Variants in ZNF804B observed in about 807,000 individuals in gnomAD.
ZNF804B encodes zinc finger 804B.
A neutral mutation model predicts 101.4 loss-of-function variants in ZNF804B; 80 were observed. The ratio of observed to expected loss-of-function variants is 0.79; its 90% CI spans 0.66 to 0.95. ZNF804B has a LOEUF of 0.95. Ranked by LOEUF, ZNF804B falls within the 40% of genes least tolerant of loss-of-function variation. The pLI, the probability that ZNF804B is intolerant of heterozygous loss-of-function variation, is 0.00. For synonymous variants in ZNF804B, 622 were observed against 558.8 expected (o/e 1.11, Z -1.59); for missense variants, 1,673 against 1,561.9 (o/e 1.07, Z -1.20).
chr7:89,232,881 T>C (rs1238999592), intron 2 of ZNF804B, among the ~76,000 whole-genome samples: 2 of 152,128 alleles, frequency 1.3e-5, no homozygotes, highest in African/African-American at 4.8e-5. Flanking sequence ...TTTTGATATG[T>C]ATAATATACT....
intron 1 of ZNF804B, among the ~76,000 whole-genome samples, chr7:88,964,047 T>C (rs2116096254): frequency 6.6e-6 from 1 of 151,502 alleles, no homozygotes; most frequent in African/African-American, 2.4e-5. Context: ...TTGGCAAGGA[T>C]GTGGAGAAAT....
At chr7:89,267,051 T>C (rs964965824) in intron 2 of ZNF804B, among the ~76,000 whole-genome samples, 1 of 152,176 alleles carries the variant, frequency 6.6e-6, no homozygotes, top group Non-Finnish European at 1.5e-5. Context: ...GTTCACTGTT[T>C]GGAGTGATTT....
Position 89,278,145 on chromosome 7 carries a change from C to T in ZNF804B, c.250-49199C>T, listed in dbSNP as rs372642664. ...ATATGTTTCTTGGCTGCATAAATGT[C>T]TTCTTTTCAGAAGTGTCTGTTCATA... On this transcript the variant is annotated intron_variant, in intron 2 of 3. Coordinates refer to ENST00000333190, the MANE Select transcript of ZNF804B (RefSeq NM_181646.5). 4.4e-4 allele frequency among the ~76,000 whole-genome samples: 67 copies of T among 152,302 alleles called. No individual in the cohort carries two copies. In the East Asian group the frequency reaches 0.012, roughly 28 times the overall value.
At chr7:88,979,703 T>A (rs1793668606) in intron 1 of ZNF804B, among the ~76,000 whole-genome samples, 1 of 151,634 alleles carries the variant, frequency 6.6e-6, no homozygotes, top group Non-Finnish European at 1.5e-5. Context: ...TTTAGTTGTA[T>A]CTGCTTCGTG....
intron 2 of ZNF804B, among the ~76,000 whole-genome samples, chr7:89,264,509 G>A (rs1367572800): frequency 3.9e-5 from 6 of 151,978 alleles, no homozygotes; most frequent in African/African-American, 9.7e-5. Flanking sequence ...ATTTGACTCC[G>A]GCCATTGCAC....
intron 2 of ZNF804B, among the ~76,000 whole-genome samples, chr7:89,219,933 G>GTGCATATATATGTATATACATATATGTT (rs1788961085): frequency 6.7e-6 from 1 of 148,866 alleles, no homozygotes; most frequent in African/African-American, 2.5e-5. Flanking sequence ...ACATATATGT[G>GTGCATATATATGTATATACATATATGTT]TGCATATATA....
chr7:89,197,021 G>A (rs562319047), intron 1 of ZNF804B, among the ~76,000 whole-genome samples: 1 of 143,314 alleles, frequency 7.0e-6, no homozygotes, highest in African/African-American at 2.5e-5. Context: ...CTGTTGGTGG[G>A]AGTGTAAATT....
At chr7:89,059,214 A>G (rs1338131466) in intron 1 of ZNF804B, among the ~76,000 whole-genome samples, 1 of 152,176 alleles carries the variant, frequency 6.6e-6, no homozygotes, top group Non-Finnish European at 1.5e-5. Flanking sequence ...GTTTCATCAC[A>G]TTAAGTGAAA....
chr7:89,083,547 CAT>C (rs34295046), intron 1 of ZNF804B, among the ~76,000 whole-genome samples: 66,898 of 151,280 alleles, frequency 0.44, 15,557 homozygotes, highest in Non-Finnish European at 0.52. Flanking sequence ...TTCAGAAACA[CAT>C]GTGTTTGAGG....
At chr7:88,797,909 A>C (rs1015259180) in intron 1 of ZNF804B, among the ~76,000 whole-genome samples, 7 of 152,142 alleles carry the variant, frequency 4.6e-5, no homozygotes, top group African/African-American at 1.7e-4. Flanking sequence ...CAAGATTGTT[A>C]ACTCACCTTG....
chr7:89,267,960 A>G (rs189827590), intron 2 of ZNF804B, among the ~76,000 whole-genome samples: 140 of 152,208 alleles, frequency 9.2e-4, no homozygotes, highest in African/African-American at 3.3e-3. Flanking sequence ...ACTGTCTTCA[A>G]TATATTACTC....
At chr7:89,066,622 AATG>A in intron 1 of ZNF804B, among the ~76,000 whole-genome samples, 1 of 152,146 alleles carries the variant, frequency 6.6e-6, no homozygotes, top group Non-Finnish European at 1.5e-5. Flanking sequence ...CTTTATATAA[AATG>A]ATATTACCAA....
At chr7:89,232,991 C>A (rs375904480) in intron 2 of ZNF804B, among the ~76,000 whole-genome samples, 74 of 152,120 alleles carry the variant, frequency 4.9e-4, no homozygotes, top group African/African-American at 1.7e-3. Flanking sequence ...GCGCGATCTC[C>A]ACTCACTGCA....
At chr7:89,281,851 A>G (rs1357641015) in intron 2 of ZNF804B, among the ~76,000 whole-genome samples, 1 of 152,296 alleles carries the variant, frequency 6.6e-6, no homozygotes, top group East Asian at 1.9e-4. Flanking sequence ...GTAAAGGATA[A>G]TAAATATAAT....
chr7:88,827,667 A>G (rs757539958), intron 1 of ZNF804B, among the ~76,000 whole-genome samples: 3 of 151,910 alleles, frequency 2.0e-5, no homozygotes, highest in Non-Finnish European at 2.9e-5. Flanking sequence ...GCTCAACCTA[A>G]TTTATTTATC....
chr7:88,804,552 C>G (rs1325684549), intron 1 of ZNF804B, among the ~76,000 whole-genome samples: 3 of 151,878 alleles, frequency 2.0e-5, no homozygotes, highest in African/African-American at 7.3e-5. Flanking sequence ...TATGACTTAA[C>G]TAACACACAG....
At chr7:88,980,724 G>T (rs189454753) in intron 1 of ZNF804B, among the ~76,000 whole-genome samples, 1 of 151,912 alleles carries the variant, frequency 6.6e-6, no homozygotes, top group Non-Finnish European at 1.5e-5. Context: ...CACAAGCATC[G>T]CCATGGCCAT....
chr7:89,096,006 T>A (rs959797727), intron 1 of ZNF804B, among the ~76,000 whole-genome samples: 70 of 151,506 alleles, frequency 4.6e-4, no homozygotes, highest in African/African-American at 1.5e-3. Flanking sequence ...AAAAAAAAAA[T>A]TAGCCGGGCA....
chr7:89,319,119 T>G (rs1790775875), intron 2 of ZNF804B, among the ~76,000 whole-genome samples: 1 of 152,122 alleles, frequency 6.6e-6, no homozygotes, highest in Non-Finnish European at 1.5e-5. Context: ...TTGCCCTCGT[T>G]CCTGTAAACC....
Sources: allele counts gnomAD v4.1 joint callset (sites outside exome capture counted in the v4.1 genomes callset), GRCh38; gene constraint gnomAD v4.1.1; transcripts MANE v1.5; gene names NCBI Gene and HGNC (gene_info 2026-07-23, HGNC 2026-07-21).